PCDH17: variants seen among roughly 807,000 people sequenced by gnomAD.
PCDH17 encodes protocadherin-17.
Under a neutral mutation model 67.7 loss-of-function variants are expected in PCDH17, and 21 were observed. That is an observed-to-expected ratio of 0.31 (90% confidence interval 0.22 to 0.45). The LOEUF (loss-of-function observed/expected upper bound fraction) is 0.45, where lower values mean the gene tolerates loss of function less well. Ranked by LOEUF, PCDH17 falls within the 20% of genes least tolerant of loss-of-function variation. The pLI, the probability that PCDH17 is intolerant of heterozygous loss-of-function variation, is 1.00. For synonymous variants in PCDH17, 701 were observed against 656.7 expected (o/e 1.07, Z -1.03); for missense variants, 1,471 against 1,564.8 (o/e 0.94, Z 1.01).
rs540371246 is a variant in PCDH17 at position 57,634,758 on chromosome 13, C to T, written c.2212C>T (p.Arg738Cys). The change falls in exon 1 of 4, where the codon CGC (arginine) becomes TGC (cysteine). Residue 738 changes from arginine (R) to cysteine (C), a missense_variant. By Grantham distance (180) the Arg-to-Cys change is radical. Coordinates refer to ENST00000377918, the MANE Select transcript of PCDH17 (RefSeq NM_001040429.3). This position sits in a 1 kb window ranked among gnomAD's most constrained non-coding sequence, Gnocchi z 7.8. ...GTGCAAGCGCGAGAACAAGGAGATC[C>T]GCACTTACAACTGCCGCATCGCCGA... ...VKCKRENKEI[R>C]TYNCRIAEYS... 1.9e-6 allele frequency: 3 copies of T among 1,614,024 alleles called. No homozygotes were observed. In the South Asian group the frequency reaches 3.3e-5, roughly 18 times the overall value.
At chr13:57,678,150 T>TAC (rs1955413128) in intron 3 of PCDH17, among the ~76,000 whole-genome samples, 1 of 151,200 alleles carries the variant, frequency 6.6e-6, no homozygotes, top group Admixed American at 6.6e-5. Context: ...TCTCCATATA[T>TAC]ATATATATAT....
In PCDH17 at chr13:57,632,770, T is replaced by A; in HGVS notation, c.224T>A (p.Leu75Gln). 1.2e-6 allele frequency: 2 copies of A among 1,613,046 alleles called. No individual in the cohort carries two copies. Residue 75 changes from leucine (L) to glutamine (Q), a missense_variant, in exon 1 of 4, where the codon CTG (leucine) becomes CAG (glutamine). Around this residue, in one of 3 missense-constraint regions of PCDH17, gnomAD observed 1,163 missense variants for 1,230.0 expected, o/e 0.95. Coordinates refer to ENST00000377918, the MANE Select transcript of PCDH17 (RefSeq NM_001040429.3). ...RVLENSAPHLLDVDADSGLLY... is the reference protein window; with the variant it reads ...RVLENSAPHLQDVDADSGLLY... ...CTGGAGAACTCCGCACCGCACCTGC[T>A]GGACGTGGACGCAGACAGCGGGCTC...
chr13:57,695,026 A>G (rs1213511290), intron 3 of PCDH17, among the ~76,000 whole-genome samples: 3 of 151,220 alleles, frequency 2.0e-5, no homozygotes, highest in African/African-American at 7.3e-5. Context: ...TGCCCAGGAT[A>G]CTTGCTAAGT....
chr13:57,695,256 T>C (rs1363842143), intron 3 of PCDH17, among the ~76,000 whole-genome samples: 3 of 151,308 alleles, frequency 2.0e-5, no homozygotes, highest in Non-Finnish European at 4.4e-5. Flanking sequence ...TAATTTACAT[T>C]TTAAAATATT....
intron 3 of PCDH17, among the ~76,000 whole-genome samples, chr13:57,683,491 T>C (rs1955477696): frequency 6.6e-6 from 1 of 151,818 alleles, no homozygotes; most frequent in Non-Finnish European, 1.5e-5. Context: ...AATGTAATCT[T>C]GAGAGAAAGA....
chr13:57,663,937 A>G (rs1429741977), intron 1 of PCDH17, among the ~76,000 whole-genome samples: 1 of 151,576 alleles, frequency 6.6e-6, no homozygotes, highest in Non-Finnish European at 1.5e-5. Context: ...TGTTTTTGAG[A>G]CAGGTTGACC....
chr13:57,688,107 T>C (rs1955524707), intron 3 of PCDH17, among the ~76,000 whole-genome samples: 1 of 151,946 alleles, frequency 6.6e-6, no homozygotes, highest in Admixed American at 6.6e-5. Context: ...TTAAAACCTT[T>C]AGAAGTCATG....
Position 57,725,178 on chromosome 13 carries a change from GA to G in PCDH17, c.3365del (p.Asp1122AlafsTer18), listed in dbSNP as rs1422490878. On this transcript the variant is annotated frameshift_variant, in exon 4 of 4. Transcript: ENST00000377918. LOFTEE classifies it high-confidence loss of function. ...SEMGAVLEQL[D>X]HPNRDLGRES... is the part of the protein sequence containing the mutation. The stretch of plus-strand genomic sequence containing the variant: ...GATGGGTGCTGTTCTTGAGCAGCTT[GA>G]CCACCCCAACAGGGATCTGGGCAGA... 6.2e-7 allele frequency: 1 copy of G among 1,613,968 alleles called. No individual in the cohort carries two copies. The highest frequency in any genetic ancestry group is 8.5e-7 in the Non-Finnish European group (1 of 1,180,000).
At chr13:57,645,492 C>T (rs765576583) in intron 1 of PCDH17, among the ~76,000 whole-genome samples, 1 of 151,516 alleles carries the variant, frequency 6.6e-6, no homozygotes, top group Non-Finnish European at 1.5e-5. Context: ...AAATGTTGAT[C>T]TGCTGGTAAA....
At chr13:57,645,184 T>G (rs1390752169) in intron 1 of PCDH17, among the ~76,000 whole-genome samples, 1 of 151,720 alleles carries the variant, frequency 6.6e-6, no homozygotes, top group East Asian at 1.9e-4. Context: ...GTTAAACCTC[T>G]CGATCAGTGT....
intron 3 of PCDH17, among the ~76,000 whole-genome samples, chr13:57,677,470 CAT>C: frequency 1.3e-5 from 2 of 151,770 alleles, no homozygotes; most frequent in South Asian, 4.2e-4. Context: ...ACTTAAACAG[CAT>C]AAACAAGCAT....
At chr13:57,677,102 T>C (rs1337094653) in intron 3 of PCDH17, among the ~76,000 whole-genome samples, 2 of 151,888 alleles carry the variant, frequency 1.3e-5, no homozygotes, top group Non-Finnish European at 2.9e-5. Flanking sequence ...ATTTCTGGCA[T>C]GTGACAGATA....
Position 57,634,181 on chromosome 13 carries a change from C to A in PCDH17, c.1635C>A (p.Thr545=), listed in dbSNP as rs778461357. ...YALRSFNFEQ[T]KAFEFKVLAK... ...TGCGCTCCTTTAACTTCGAGCAGAC[C>A]AAGGCTTTTGAGTTCAAGGTGCTTG... The change falls in exon 1 of 4, where the codon ACC becomes ACA. Residue 545 remains threonine, a synonymous_variant. Transcript: ENST00000377918. This position sits in a 1 kb window ranked among gnomAD's most constrained non-coding sequence, Gnocchi z 7.8. 1 of 1,613,400 alleles carries A rather than the reference C, an allele frequency of 6.2e-7. No individual in the cohort carries two copies. Among genetic ancestry groups the A allele is most frequent in the Non-Finnish European group, 8.5e-7 (1 of 1,180,032 alleles).
chr13:57,651,443 T>A (rs1214446821), intron 1 of PCDH17, among the ~76,000 whole-genome samples: 1 of 142,772 alleles, frequency 7.0e-6, no homozygotes, highest in African/African-American at 2.6e-5. Context: ...CTCATTGCAA[T>A]CCTTTCACAT....
chr13:57,638,691 T>C (rs1954854395), intron 1 of PCDH17, among the ~76,000 whole-genome samples: 2 of 152,006 alleles, frequency 1.3e-5, no homozygotes, highest in South Asian at 4.1e-4. Context: ...ATTAAGCATA[T>C]GGTAAATACC....
intron 1 of PCDH17, among the ~76,000 whole-genome samples, chr13:57,646,767 A>G (rs1954971028): frequency 6.6e-6 from 1 of 151,816 alleles, no homozygotes; most frequent in African/African-American, 2.4e-5. Flanking sequence ...TATCCCATGA[A>G]TAAGAAGTTC....
intron 3 of PCDH17, among the ~76,000 whole-genome samples, chr13:57,692,268 C>T (rs1421832446): frequency 6.6e-6 from 1 of 151,194 alleles, no homozygotes; most frequent in Admixed American, 6.6e-5. Flanking sequence ...AGGAAGCATA[C>T]TGGCAGTTTT....
At chr13:57,648,428 T>G (rs1410972589) in intron 1 of PCDH17, among the ~76,000 whole-genome samples, 1 of 151,984 alleles carries the variant, frequency 6.6e-6, no homozygotes, top group African/African-American at 2.4e-5. Context: ...TTAGCTGCCA[T>G]TTTGGACAAC....
chr13:57,664,357 A>C (rs1205894725), intron 1 of PCDH17, among the ~76,000 whole-genome samples: 1 of 152,194 alleles, frequency 6.6e-6, no homozygotes, highest in Admixed American at 6.6e-5. Flanking sequence ...GTGTGTGTAC[A>C]TATAATTTTA....
Sources: allele counts gnomAD v4.1 joint callset (sites outside exome capture counted in the v4.1 genomes callset), GRCh38; gene constraint gnomAD v4.1.1; regional missense constraint gnomAD v4.1.1; non-coding constraint Gnocchi (gnomAD v3.1); transcripts MANE v1.5; gene names NCBI Gene and HGNC (gene_info 2026-07-23, HGNC 2026-07-21).